Variants in SRCAP observed in about 807,000 individuals in gnomAD.
SRCAP encodes Snf2 related CREBBP activator protein, also known as chromatin remodeling protein SRCAP.
Under a neutral mutation model 263.1 loss-of-function variants are expected in SRCAP, and 46 were observed. The ratio of observed to expected loss-of-function variants is 0.17; its 90% CI spans 0.14 to 0.22. The LOEUF is 0.22. SRCAP is among the 10% of genes least tolerant of loss of function. The probability of loss-of-function intolerance (pLI) is 1.00; values close to 1 mark genes in which losing one functional copy is unlikely to be tolerated. For synonymous variants in SRCAP, 1,813 were observed against 1,662.1 expected (o/e 1.09, Z -2.21); for missense variants, 3,695 against 4,181.9 (o/e 0.88, Z 3.21).
In SRCAP at chr16:30,737,182, G is replaced by A. The variant is rs765139685; in HGVS notation, c.7142G>A (p.Arg2381His). ...GGGACTGGTGGAGGCACCCACCGGCGCAGTAAAAAGGCCAAAGCCCCTGAG... is the reference window on the plus strand; with the variant it reads ...GGGACTGGTGGAGGCACCCACCGGCACAGTAAAAAGGCCAAAGCCCCTGAG... Reference protein sequence around the residue: ...SCGTGGGTHRRSKKAKAPERP... With the variant: ...SCGTGGGTHRHSKKAKAPERP... The change falls in exon 34 of 34, where the codon CGC becomes CAC. Residue 2381 changes from arginine (R) to histidine (H), a missense_variant. Physicochemically the swap from Arg to His is conservative, Grantham distance 29 (BLOSUM62 0). Around this residue, in one of 12 missense-constraint regions of SRCAP, gnomAD observed 1,207 missense variants for 1,142.9 expected, o/e 1.06. Transcript: ENST00000262518. 4 of 1,613,946 alleles carry A rather than the reference G, an allele frequency of 2.5e-6. No individual in the cohort carries two copies. The highest frequency in any genetic ancestry group is 1.6e-4 in the Middle Eastern group (1 of 6,084).
At chr16:30,721,112 G>A in intron 20 of SRCAP, 77 bp from the exon 21 acceptor site, 1 of 1,541,344 alleles carries the variant, frequency 6.5e-7, no homozygotes, top group Non-Finnish European at 8.7e-7. Flanking sequence ...GGGTTGGAAG[G>A]GAGTATGGAG....
rs749242748 is a variant in SRCAP, at chr16:30,714,507, C to CT, written c.2493+808dup. ...TAAAGGTGTGAGCCACCGTGCCGGG[C>CT]TTTTTTTTTTTTGAGACAGAGTCTC... On this transcript the variant is annotated intron_variant, in intron 16 of 33. Coordinates refer to ENST00000262518, the MANE Select transcript of SRCAP (RefSeq NM_006662.3). Among the ~76,000 whole-genome samples, 36 of 100,000 alleles carry CT rather than the reference C, an allele frequency of 3.6e-4. 1 individual carries two copies. The highest frequency in any genetic ancestry group is 1.4e-3 in the African/African-American group (36 of 25,252). 65.6% of individuals were successfully genotyped at this position (100,000 alleles called of 152,430 possible). A position where few individuals can be genotyped will look rare whatever the true frequency, so the allele number is the denominator to read the frequency against.
Position 30,728,546 on chromosome 16 carries a change from T to A in SRCAP, c.5659-420T>A, listed in dbSNP as rs373412464. ...GGCAAAAACCTGGTCTGGATTTGATTGGCGCCTCTGTATCCTGGTCAGTGA... is the reference window on the plus strand; with the variant it reads ...GGCAAAAACCTGGTCTGGATTTGATAGGCGCCTCTGTATCCTGGTCAGTGA... On this transcript the variant is annotated intron_variant, in intron 25 of 33. Transcript: ENST00000262518. 3.2e-4 allele frequency among the ~76,000 whole-genome samples: 49 copies of A among 152,348 alleles called. 1 individual carries two copies. Among genetic ancestry groups the A allele is most frequent in the African/African-American group, 1.2e-3 (48 of 41,582 alleles).
chr16:30,735,312 A>T (rs1431371107), intron 31 of SRCAP, among the ~76,000 whole-genome samples: 1 of 150,098 alleles, frequency 6.7e-6, no homozygotes, highest in African/African-American at 2.5e-5. Context: ...ACGCCCGGCT[A>T]ATTTTTTGTA....
intron 4 of SRCAP, among the ~76,000 whole-genome samples, chr16:30,704,705 C>T (rs1218140828): frequency 2.0e-5 from 3 of 151,874 alleles, no homozygotes; most frequent in East Asian, 3.9e-4. Flanking sequence ...TGGGTATAGT[C>T]GCACATGCCT....
In SRCAP at chr16:30,729,637, A is replaced by G. The variant is rs564623877; in HGVS notation, c.6127+65A>G. 1.8e-5 allele frequency: 28 copies of G among 1,572,026 alleles called. No homozygotes were observed. The African/African-American group carries it at 3.2e-4, about 18-fold the overall frequency. On this transcript the variant is annotated intron_variant, in intron 27 of 33. Coordinates refer to ENST00000262518, the MANE Select transcript of SRCAP (RefSeq NM_006662.3). ...CTTTTCTTAGTATTAAGACTGTTGT[A>G]TCAGAGGGATGCTGCACTTAAGTTC...
chr16:30,707,837 T>C (rs72793373), intron 6 of SRCAP, 125 bp downstream of exon 6: 21,896 of 1,276,680 alleles, frequency 0.017, 245 homozygotes, highest in Non-Finnish European at 0.02. Context: ...ATGACGTTTA[T>C]GTTGTATGGA....
intron 24 of SRCAP, 142 bp from the exon 25 acceptor site, chr16:30,723,442 A>G: frequency 6.8e-7 from 1 of 1,477,250 alleles, no homozygotes; most frequent in South Asian, 1.4e-5. Context: ...AAGTTGTCAG[A>G]TTACTTGGAT....
chr16:30,733,186 C>T lies in SRCAP; in HGVS notation c.6128-94C>T, dbSNP rs140680174. The T allele has an allele frequency of 1.3e-3, 1,896 of 1,419,102 alleles. 7 individuals carry two copies. Among genetic ancestry groups the T allele is most frequent in the South Asian group, 6.0e-3 (461 of 77,020 alleles). 87.9% of individuals were successfully genotyped at this position (1,419,102 alleles called of 1,614,324 possible). A position where few individuals can be genotyped will look rare whatever the true frequency, so the allele number is the denominator to read the frequency against. ...GGCTAATTGAAACTTTGGCTTAAAGCATTGATTATCTTTCAACCCCAGCCT... is the reference window on the plus strand; with the variant it reads ...GGCTAATTGAAACTTTGGCTTAAAGTATTGATTATCTTTCAACCCCAGCCT... On this transcript the variant is annotated intron_variant, in intron 27 of 33. Coordinates refer to ENST00000262518, the MANE Select transcript of SRCAP (RefSeq NM_006662.3). The surrounding 1 kb of genome is among the most constrained non-coding windows in gnomAD (Gnocchi z 5.3).
At chr16:30,707,930 C>T (rs1163093476) in intron 6 of SRCAP, among the ~76,000 whole-genome samples, 1 of 152,236 alleles carries the variant, frequency 6.6e-6, no homozygotes, top group Non-Finnish European at 1.5e-5. Context: ...CCATCTGTCC[C>T]TTGCAGGGCA....
At chr16:30,731,532 T>C (rs1286852325) in intron 27 of SRCAP, among the ~76,000 whole-genome samples, 1 of 152,210 alleles carries the variant, frequency 6.6e-6, no homozygotes, top group Non-Finnish European at 1.5e-5. Flanking sequence ...TTTTGTTACA[T>C]TTGAAACTAT....
In SRCAP at chr16:30,700,478, A is replaced by G. The variant is rs1340282775; in HGVS notation, c.-209-138A>G. 17 of 223,440 alleles carry G rather than the reference A, an allele frequency of 7.6e-5. No individual in the cohort carries two copies. In the South Asian group the frequency reaches 1.1e-3, roughly 15 times the overall value. 13.8% of individuals were successfully genotyped at this position (223,440 alleles called of 1,614,324 possible). On this transcript the variant is annotated intron_variant, in intron 2 of 33. Transcript: ENST00000262518. Reference sequence around the variant, plus strand: ...AACAGGTACTAAAAGTATCTTATACATAGTAAGTGCTCAAGAAATGTAACC... The same window carrying G: ...AACAGGTACTAAAAGTATCTTATACGTAGTAAGTGCTCAAGAAATGTAACC...
rs376985037 is a variant in SRCAP at position 30,722,692 on chromosome 16, C to T, written c.3836C>T (p.Thr1279Ile). 2 of 1,613,882 alleles carry T rather than the reference C, an allele frequency of 1.2e-6. No individual in the cohort carries two copies. Among genetic ancestry groups the T allele is most frequent in the East Asian group, 2.2e-5 (1 of 44,818 alleles). The change falls in exon 23 of 34, where the codon ACC (threonine) becomes ATC (isoleucine). Residue 1279 changes from threonine (T) to isoleucine (I), a missense_variant. Coordinates refer to ENST00000262518, the MANE Select transcript of SRCAP (RefSeq NM_006662.3). The stretch of plus-strand genomic sequence containing the variant: ...CCTGTCTCTGTGCTGCCTTCTTCGA[C>T]CCCCAGCACCACCCCTGCCCCTACT... ...PTPVSVLPSS[T>I]PSTTPAPTGL... is the part of the protein sequence containing the mutation.
At position 30,739,093 on chromosome 16, in the gene SRCAP, G is replaced by T; in HGVS notation, c.9053G>T (p.Arg3018Leu). 1.2e-6 allele frequency: 2 copies of T among 1,614,120 alleles called. No individual in the cohort carries two copies. The highest frequency in any genetic ancestry group is 8.5e-7 in the Non-Finnish European group (1 of 1,180,014). Reference protein sequence around the residue: ...GRPPKNPPSPRPSQLPVLDRD... With the variant: ...GRPPKNPPSPLPSQLPVLDRD... ...CCTCCCAAGAATCCTCCATCACCTCGGCCCAGCCAGCTCCCCGTCTTGGAC... is the reference window on the plus strand; with the variant it reads ...CCTCCCAAGAATCCTCCATCACCTCTGCCCAGCCAGCTCCCCGTCTTGGAC... The change falls in exon 34 of 34, where the codon CGG becomes CTG. Residue 3018 changes from arginine to leucine, a missense_variant. By Grantham distance (102) the Arg-to-Leu change is moderately radical. Transcript: ENST00000262518.
chr16:30,721,323 C>T lies in SRCAP; in HGVS notation c.3388C>T (p.Pro1130Ser), dbSNP rs143519723. The T allele has an allele frequency of 3.9e-3, 6,322 of 1,614,170 alleles. 19 individuals carry two copies. The highest frequency in any genetic ancestry group is 4.7e-3 in the Admixed American group (283 of 60,026). Residue 1130 changes from proline (P) to serine (S), a missense_variant, in exon 21 of 34, where the codon CCC becomes TCC. Pro to Ser is a moderately conservative substitution (Grantham distance 74). Transcript: ENST00000262518. ...TCCAGGCTCCTCTAGCCTGTTGAAGCCCCTGACAGTGCCACCAGGCTACAC... is the reference window on the plus strand; with the variant it reads ...TCCAGGCTCCTCTAGCCTGTTGAAGTCCCTGACAGTGCCACCAGGCTACAC... The part of the protein sequence containing the change: ...PPPGSSSLLK[P>S]LTVPPGYTFP...
chr16:30,722,509 C>T (rs538307811), intron 22 of SRCAP, 54 bp from the exon 23 acceptor site: 18 of 1,597,054 alleles, frequency 1.1e-5, no homozygotes, highest in Middle Eastern at 1.7e-4. Context: ...TTGCCTCTGC[C>T]CTCCTCAGGC....
At chr16:30,701,955 T>TC (rs895627128) in intron 3 of SRCAP, among the ~76,000 whole-genome samples, 2 of 150,638 alleles carry the variant, frequency 1.3e-5, no homozygotes, top group African/African-American at 2.4e-5. Context: ...TTTCTTTCTT[T>TC]TTTTTTTTTT....
chr16:30,721,977 C>A, intron 21 of SRCAP, 145 bp from the exon 22 acceptor site: 2 of 1,014,318 alleles, frequency 2.0e-6, no homozygotes, highest in Non-Finnish European at 2.9e-6. Flanking sequence ...TAGGTGGAGG[C>A]TGAGTTTATT....
Position 30,738,361 on chromosome 16 carries a change from C to G in SRCAP, c.8321C>G (p.Ala2774Gly), listed in dbSNP as rs371672233. The part of the protein sequence containing the change: ...VRRRRQQRGA[A>G]STLVPGVSET... The stretch of plus-strand genomic sequence containing the variant: ...CGGCGGCGGCAGCAGCGGGGAGCTG[C>G]CAGCACCCTAGTGCCTGGGGTCTCT... Residue 2774 changes from alanine (A) to glycine (G), a missense_variant, in exon 34 of 34, where the codon GCC (alanine) becomes GGC (glycine). Transcript: ENST00000262518. 49 of 1,566,472 alleles carry G rather than the reference C, an allele frequency of 3.1e-5. No individual in the cohort carries two copies. The African/African-American group carries it at 4.9e-4, about 16-fold the overall frequency.
Sources: gnomAD v4.1 joint callset for allele counts (sites outside exome capture counted in the v4.1 genomes callset) on GRCh38, gnomAD v4.1.1 for gene constraint, gnomAD v4.1.1 regional missense constraint, Gnocchi (gnomAD v3.1) non-coding constraint, MANE v1.5 for transcripts, NCBI Gene and HGNC (gene_info 2026-07-23, HGNC 2026-07-21) for gene names.